Variants in MYH8 observed in about 807,000 individuals in gnomAD.
The protein encoded by MYH8 is myosin-8.
MYH8 carries 168 observed loss-of-function variants against 233.2 expected under a neutral mutation model. That is an observed-to-expected ratio of 0.72 (90% CI 0.64 to 0.82). The LOEUF is 0.82. MYH8 is among the 40% of genes least tolerant of loss of function. The probability of loss-of-function intolerance (pLI) is 0.00; values close to 1 mark genes in which losing one functional copy is unlikely to be tolerated. For synonymous variants in MYH8, 785 were observed against 850.6 expected (o/e 0.92, Z 1.34); for missense variants, 1,995 against 2,327.8 (o/e 0.86, Z 2.94).
intron 19 of MYH8, 142 bp downstream of exon 19, chr17:10,406,548 A>G (rs1477769463): frequency 7.3e-7 from 1 of 1,377,022 alleles, no homozygotes; most frequent in Admixed American, 1.7e-5. Flanking sequence ...AAACAATATG[A>G]TTTTCTGTTG....
In MYH8 at chr17:10,421,646, A is replaced by G. The variant is rs897723940; in HGVS notation, c.-31+17T>C. 2 of 152,252 alleles carry G rather than the reference A, an allele frequency of 1.3e-5. No individual in the cohort carries two copies. Among genetic ancestry groups the G allele is most frequent in the Admixed American group, 6.5e-5 (1 of 15,288 alleles). 9.4% of individuals were successfully genotyped at this position (152,252 alleles called of 1,614,324 possible). On this transcript the variant is annotated intron_variant, in intron 2 of 39. Coordinates refer to ENST00000403437, the MANE Select transcript of MYH8 (RefSeq NM_002472.3). ...TATCCCCTCTGTCATCAATAAATTA[A>G]TAAAGCCAAGTCTTACCTCTGGAGT...
At position 10,406,075 on chromosome 17, in the gene MYH8, T is replaced by C. The variant is rs1472316809; in HGVS notation, c.2398A>G (p.Met800Val). The C allele has an allele frequency of 6.2e-7, 1 of 1,613,932 alleles. No homozygotes were observed. The highest frequency in any genetic ancestry group is 8.5e-7 in the Non-Finnish European group (1 of 1,179,976). Residue 800 changes from methionine to valine, a missense_variant, in exon 21 of 40, where the codon ATG becomes GTG. Coordinates refer to ENST00000403437, the MANE Select transcript of MYH8 (RefSeq NM_002472.3). ...AACATCTTCTGATATTCTACCCTCATTAGGAATCCCCTACAGACAGCTTGT... is the reference window on the plus strand; with the variant it reads ...AACATCTTCTGATATTCTACCCTCACTAGGAATCCCCTACAGACAGCTTGT... ...RTQAVCRGFL[M>V]RVEYQKMLQR...
intron 30 of MYH8, 68 bp downstream of exon 30, chr17:10,398,376 A>T (rs1942757501): frequency 1.9e-6 from 3 of 1,610,616 alleles, no homozygotes; most frequent in African/African-American, 1.3e-5. Flanking sequence ...TGCTATTGTT[A>T]TGTTATCATC....
At chr17:10,392,433 C>T in intron 38 of MYH8, 109 bp downstream of exon 38, 1 of 1,012,430 alleles carries the variant, frequency 9.9e-7, no homozygotes, top group Non-Finnish European at 1.6e-6. Context: ...TTACATGTAC[C>T]AAGTTAATGC....
In MYH8 at chr17:10,398,772, G is replaced by A. The variant is rs1229464291; in HGVS notation, c.3977C>T (p.Thr1326Ile). The A allele has an allele frequency of 4.3e-6, 7 of 1,614,004 alleles. No individual in the cohort carries two copies. The South Asian group carries it at 5.5e-5, about 13-fold the overall frequency. The stretch of plus-strand genomic sequence containing the variant: ...AAAATCCTTGGCAAAACTCACTTTA[G>A]TTTCTTCCTCTAGTTGATGTTTCAG... ...EELKHQLEEE[T>I]KAKNALAHAL... Residue 1326 changes from threonine (T) to isoleucine (I), a missense_variant, in exon 29 of 40, where the codon ACT (threonine) becomes ATT (isoleucine). Thr to Ile is a moderately conservative substitution (Grantham distance 89). Around this residue, in one of 3 missense-constraint regions of MYH8, gnomAD observed 1,498 missense variants for 1,680.9 expected, o/e 0.89. Transcript: ENST00000403437.
At chr17:10,405,646 A>G (rs577737377) in intron 21 of MYH8, among the ~76,000 whole-genome samples, 1 of 152,316 alleles carries the variant, frequency 6.6e-6, no homozygotes, top group South Asian at 2.1e-4. Flanking sequence ...ATAAATTAGG[A>G]TGAGGGGAGA....
Position 10,406,935 on chromosome 17 carries a change from AG to A in MYH8, c.2009del (p.Pro670LeufsTer27), listed in dbSNP as rs1159930449. ...TGGGAATGATACACCGTACGAAGTGAGGGTGTGTGCTCCTCAGATTCGTCAT... is the reference window on the plus strand; with the variant it reads ...TGGGAATGATACACCGTACGAAGTGAGGTGTGTGCTCCTCAGATTCGTCAT... ...KLMTNLRSTHPHFVRCIIPNE... is the reference protein window; with the variant it reads ...KLMTNLRSTHXHFVRCIIPNE... On this transcript the variant is annotated frameshift_variant, in exon 18 of 40. Coordinates refer to ENST00000403437, the MANE Select transcript of MYH8 (RefSeq NM_002472.3). LOFTEE classifies it high-confidence loss of function. The A allele has an allele frequency of 6.2e-7, 1 of 1,614,128 alleles. No individual in the cohort carries two copies. Among genetic ancestry groups the A allele is most frequent in the African/African-American group, 1.3e-5 (1 of 75,054 alleles).
chr17:10,414,112 T>C, intron 11 of MYH8, 72 bp from the exon 12 acceptor site: 3 of 1,609,964 alleles, frequency 1.9e-6, no homozygotes, highest in African/African-American at 1.3e-5. Flanking sequence ...ATACATATCC[T>C]AAGGTAACCA....
Position 10,409,659 on chromosome 17 carries a change from T to C in MYH8, c.1588-71A>G, listed in dbSNP as rs2072227763. 4.4e-6 allele frequency: 7 copies of C among 1,583,532 alleles called. No individual in the cohort carries two copies. The East Asian group carries it at 1.6e-4, about 35-fold the overall frequency. On this transcript the variant is annotated intron_variant, in intron 15 of 39. Coordinates refer to ENST00000403437, the MANE Select transcript of MYH8 (RefSeq NM_002472.3). ...AAGATAGAGACATGGTGGCTGTCAT[T>C]TGATTGAATTATGAGCACCCCAATT...
intron 2 of MYH8, among the ~76,000 whole-genome samples, chr17:10,420,472 A>T (rs1170775850): frequency 6.6e-6 from 1 of 152,236 alleles, no homozygotes; most frequent in Non-Finnish European, 1.5e-5. Context: ...TCCTTTTCAG[A>T]TCACATATCT....
chr17:10,418,546 G>C, intron 5 of MYH8, 99 bp downstream of exon 5: 1 of 1,604,330 alleles, frequency 6.2e-7, no homozygotes, highest in East Asian at 2.2e-5. Flanking sequence ...CATGTGGCTA[G>C]AATGTATTAT....
Position 10,409,337 on chromosome 17 carries a change from C to G in MYH8, c.1839G>C (p.Gln613His). Residue 613 changes from glutamine to histidine, a missense_variant, in exon 16 of 40, where the codon CAG becomes CAC. Physicochemically the swap from Gln to His is conservative, Grantham distance 24. This residue lies in a region of MYH8 where 1,498 missense variants were observed against 1,680.9 expected (regional missense o/e 0.89). Transcript: ENST00000403437. ...TGGCTAGAGTCTTCATTGCAGACTT[C>G]TGGTACAGCCCAACCACAGTATCAT... ...PLNDTVVGLY[Q>H]KSAMKTLASL... is the part of the protein sequence containing the mutation. 3 of 1,614,254 alleles carry G rather than the reference C, an allele frequency of 1.9e-6. No individual in the cohort carries two copies. Among genetic ancestry groups the G allele is most frequent in the Non-Finnish European group, 2.5e-6 (3 of 1,180,042 alleles).
chr17:10,396,587 G>C lies in MYH8; in HGVS notation c.4494C>G (p.Leu1498=). 6.2e-7 allele frequency: 1 copy of C among 1,614,092 alleles called. No individual in the cohort carries two copies. The highest frequency in any genetic ancestry group is 1.6e-4 in the Middle Eastern group (1 of 6,062). ...TCTTATTTTCTCTTCTTAGCGTTTC[G>C]AGTTGATCCAGGGATTCCTCATAGA... The part of the protein sequence containing the change: ...KNVYEESLDQ[L]ETLRRENKNL... The change falls in exon 32 of 40, where the codon CTC becomes CTG. Residue 1498 remains leucine, a synonymous_variant. Coordinates refer to ENST00000403437, the MANE Select transcript of MYH8 (RefSeq NM_002472.3). This position sits in a 1 kb window ranked among gnomAD's most constrained non-coding sequence, Gnocchi z 4.2.
rs754437166 is a variant in MYH8, at chr17:10,409,458, T to C, written c.1718A>G (p.Lys573Arg). 56 of 1,614,096 alleles carry C rather than the reference T, an allele frequency of 3.5e-5. No individual in the cohort carries two copies. The African/African-American group carries it at 6.9e-4, about 20-fold the overall frequency. ...AGAGAAGTGGGCCTCAGCCTTGCCT[T>C]TGACCACCTTGGGCTTCTGGAAGTT... ...SANFQKPKVV[K>R]GKAEAHFSLI... The change falls in exon 16 of 40, where the codon AAA becomes AGA. Residue 573 changes from lysine to arginine, a missense_variant. This residue lies in a region of MYH8 where 1,498 missense variants were observed against 1,680.9 expected (regional missense o/e 0.89). Coordinates refer to ENST00000403437, the MANE Select transcript of MYH8 (RefSeq NM_002472.3).
At chr17:10,407,840 A>G (rs1206283702) in intron 17 of MYH8, among the ~76,000 whole-genome samples, 2 of 150,966 alleles carry the variant, frequency 1.3e-5, no homozygotes, top group East Asian at 1.9e-4. Flanking sequence ...CTCTGTCTCG[A>G]AAAAAAAATA....
chr17:10,412,417 G>A lies in MYH8; in HGVS notation c.1369C>T (p.Gln457Ter), dbSNP rs1194836051. Reference sequence around the variant, plus strand: ...ATGTCCAAGACCCCGATGAAGTACTGCCTGGGCTGCTTGGTGTCCAGCTGC... The same window carrying A: ...ATGTCCAAGACCCCGATGAAGTACTACCTGGGCTGCTTGGTGTCCAGCTGC... ...NQQLDTKQPR[Q>*]YFIGVLDIAG... The change falls in exon 14 of 40, where the codon CAG becomes TAG. Residue 457 changes from glutamine to a stop codon, truncating the protein, a stop_gained. Coordinates refer to ENST00000403437, the MANE Select transcript of MYH8 (RefSeq NM_002472.3). LOFTEE classifies it high-confidence loss of function. 1.2e-6 allele frequency: 2 copies of A among 1,614,118 alleles called. No individual in the cohort carries two copies. Among genetic ancestry groups the A allele is most frequent in the African/African-American group, 2.7e-5 (2 of 74,930 alleles).
chr17:10,393,604 T>A (rs536742091), intron 35 of MYH8, among the ~76,000 whole-genome samples: 1 of 152,334 alleles, frequency 6.6e-6, no homozygotes, highest in African/African-American at 2.4e-5. Context: ...CTCTCTGAAT[T>A]TTTATGATTT....
At chr17:10,405,817 C>A (rs1488471420) in intron 21 of MYH8, among the ~76,000 whole-genome samples, 1 of 152,210 alleles carries the variant, frequency 6.6e-6, no homozygotes, top group East Asian at 1.9e-4. Flanking sequence ...CTGCTTACTG[C>A]AAACTATTCC....
rs972563832 is a variant in MYH8, at chr17:10,400,778, G to T, written c.3347C>A (p.Ala1116Asp). 24 of 1,613,944 alleles carry T rather than the reference G, an allele frequency of 1.5e-5. No individual in the cohort carries two copies. Among genetic ancestry groups the T allele is most frequent in the Non-Finnish European group, 1.9e-5 (22 of 1,180,042 alleles). Residue 1116 changes from alanine (A) to aspartate (D), a missense_variant and splice_region_variant, in exon 27 of 40, where the codon GCC (alanine) becomes GAC (aspartate). By Grantham distance (126) the Ala-to-Asp change is moderately radical. Coordinates refer to ENST00000403437, the MANE Select transcript of MYH8 (RefSeq NM_002472.3). This position sits in a 1 kb window ranked among gnomAD's most constrained non-coding sequence, Gnocchi z 4.0. ...TTCTTCCCCCAGCTCCTCAATGCGG[G>T]CCTGGGAATGAAAGAAGCACATAAA... is the stretch of plus-strand genomic sequence containing the variant. ...QLQKKIKELQ[A>D]RIEELGEEIE...
Sources: allele counts gnomAD v4.1 joint callset (sites outside exome capture counted in the v4.1 genomes callset), GRCh38; gene constraint gnomAD v4.1.1; regional missense constraint gnomAD v4.1.1; non-coding constraint Gnocchi (gnomAD v3.1); transcripts MANE v1.5; gene names NCBI Gene and HGNC (gene_info 2026-07-23, HGNC 2026-07-21).